The following UST variants were observed in gnomAD, a reference collection of about 807,000 sequenced individuals.
The protein encoded by UST is chondroitin sulfate 2-O-sulfotransferase.
A neutral mutation model predicts 45.6 loss-of-function variants in UST; 21 were observed. The observed-to-expected ratio is 0.46, with a 90% CI of 0.33 to 0.66. The LOEUF is 0.66. Ranked by LOEUF, UST falls within the 30% of genes least tolerant of loss-of-function variation. The pLI, the probability that UST is intolerant of heterozygous loss-of-function variation, is 0.02. For synonymous variants in UST, 215 were observed against 200.6 expected (o/e 1.07, Z -0.61); for missense variants, 463 against 512.4 (o/e 0.90, Z 0.93).
intron 1 of UST, among the ~76,000 whole-genome samples, chr6:148,886,739 G>A (rs563639649): frequency 6.6e-6 from 1 of 152,242 alleles, no homozygotes; most frequent in East Asian, 1.9e-4. Flanking sequence ...GTTACTGTGT[G>A]TGTTATGTAT....
At position 148,913,731 on chromosome 6, in the gene UST, C is replaced by T. The variant is rs147004879; in HGVS notation, c.291+26702C>T. ...GTAGAGAATAATCTGCCATATTAGACGAAAGTCATTTTATCAAACCAAGGA... is the reference window on the plus strand; with the variant it reads ...GTAGAGAATAATCTGCCATATTAGATGAAAGTCATTTTATCAAACCAAGGA... On this transcript the variant is annotated intron_variant, in intron 2 of 7. Transcript: ENST00000367463. Among the ~76,000 whole-genome samples the T allele has an allele frequency of 8.8e-3, 1,340 of 151,914 alleles. 25 individuals carry two copies. Among genetic ancestry groups the T allele is most frequent in the African/African-American group, 0.03 (1,255 of 41,440 alleles).
rs565343448 is a variant in UST, at chr6:148,929,569, A to G, written c.292-11710A>G. Among the ~76,000 whole-genome samples the G allele has an allele frequency of 4.4e-4, 67 of 152,354 alleles. No homozygotes were observed. The South Asian group carries it at 0.013, about 30-fold the overall frequency. On this transcript the variant is annotated intron_variant, in intron 2 of 7. Coordinates refer to ENST00000367463, the MANE Select transcript of UST (RefSeq NM_005715.3). ...CAGGATGGAAGAGCGAGATGGAACA[A>G]AAGTATGGAATGAGGCCTAAAACCT...
intron 7 of UST, among the ~76,000 whole-genome samples, chr6:149,060,651 C>T (rs761496099): frequency 3.3e-5 from 5 of 152,190 alleles, no homozygotes; most frequent in Non-Finnish European, 7.3e-5. Flanking sequence ...AGTACACCGA[C>T]GGTACTTCCT....
chr6:148,770,866 A>G (rs555399518), intron 1 of UST, among the ~76,000 whole-genome samples: 28 of 152,302 alleles, frequency 1.8e-4, no homozygotes, highest in African/African-American at 6.0e-4. Context: ...CTCATGCCAC[A>G]GGGAAGCATA....
chr6:148,769,099 A>C (rs1776371831), intron 1 of UST, among the ~76,000 whole-genome samples: 1 of 152,232 alleles, frequency 6.6e-6, no homozygotes, highest in African/African-American at 2.4e-5. Flanking sequence ...GTCTTGAGCA[A>C]AAAACACAAC....
At chr6:148,810,117 T>C (rs999656530) in intron 1 of UST, among the ~76,000 whole-genome samples, 4 of 152,194 alleles carry the variant, frequency 2.6e-5, no homozygotes, top group African/African-American at 9.7e-5. Context: ...TAAAACCCAG[T>C]AGCCAGAAGC....
intron 2 of UST, among the ~76,000 whole-genome samples, chr6:148,917,922 C>A (rs1427344152): frequency 6.6e-6 from 1 of 152,196 alleles, no homozygotes; most frequent in Non-Finnish European, 1.5e-5. Context: ...AGCAGCATTT[C>A]TTGATCTTTC....
chr6:148,949,023 G>A (rs1024343794), intron 3 of UST, among the ~76,000 whole-genome samples: 2 of 152,124 alleles, frequency 1.3e-5, no homozygotes, highest in African/African-American at 4.8e-5. Flanking sequence ...GGGCACGGTG[G>A]CTCACACCTG....
chr6:148,965,254 C>T (rs1018424183), intron 5 of UST, among the ~76,000 whole-genome samples: 2 of 151,916 alleles, frequency 1.3e-5, no homozygotes, highest in Non-Finnish European at 2.9e-5. Flanking sequence ...GGCGGAGTTG[C>T]GCGTCTTTCT....
intron 2 of UST, among the ~76,000 whole-genome samples, chr6:148,911,916 G>C (rs1017295508): frequency 2.6e-5 from 4 of 152,154 alleles, no homozygotes; most frequent in African/African-American, 9.7e-5. Flanking sequence ...ATAGATTCAG[G>C]CCGGCCATAG....
chr6:149,067,678 T>A (rs909556164), intron 7 of UST, among the ~76,000 whole-genome samples: 2 of 152,154 alleles, frequency 1.3e-5, no homozygotes, highest in African/African-American at 4.8e-5. Context: ...CAAATATCAA[T>A]CTTATTAAAG....
chr6:149,009,482 G>T (rs895159962), intron 5 of UST, among the ~76,000 whole-genome samples: 1 of 151,726 alleles, frequency 6.6e-6, no homozygotes, highest in Non-Finnish European at 1.5e-5. Context: ...CACAATGCTA[G>T]GTCTACCATG....
chr6:148,912,201 C>T (rs1779489403), intron 2 of UST, among the ~76,000 whole-genome samples: 1 of 151,508 alleles, frequency 6.6e-6, no homozygotes, highest in Non-Finnish European at 1.5e-5. Context: ...TATTTCAAAA[C>T]ATAAAATAAA....
chr6:148,804,022 C>G (rs1012243092), intron 1 of UST, among the ~76,000 whole-genome samples: 8 of 152,322 alleles, frequency 5.3e-5, no homozygotes, highest in Non-Finnish European at 8.8e-5. Flanking sequence ...TCCACTGTAT[C>G]CTCAAGGCCT....
At chr6:148,994,507 G>A in intron 5 of UST, among the ~76,000 whole-genome samples, 1 of 152,214 alleles carries the variant, frequency 6.6e-6, no homozygotes, top group African/African-American at 2.4e-5. Context: ...TTTTTTGGGG[G>A]ACTAATATTG....
chr6:149,017,326 G>C (rs1202431093), intron 5 of UST, among the ~76,000 whole-genome samples: 2 of 151,362 alleles, frequency 1.3e-5, no homozygotes, highest in African/African-American at 4.9e-5. Context: ...CCAGTGAGCC[G>C]AGATCACGCC....
intron 5 of UST, among the ~76,000 whole-genome samples, chr6:148,965,876 C>CTTTTTTT (rs56202168): frequency 4.8e-5 from 6 of 126,238 alleles, no homozygotes; most frequent in Admixed American, 2.4e-4. Context: ...TGGCTTTTCC[C>CTTTTTTT]TTTTTTTTTT....
At chr6:148,943,848 A>C (rs1209763901) in intron 3 of UST, among the ~76,000 whole-genome samples, 1 of 152,224 alleles carries the variant, frequency 6.6e-6, no homozygotes, top group Non-Finnish European at 1.5e-5. Flanking sequence ...GGTAAAGATA[A>C]GGTAGAAAAA....
At chr6:149,057,847 TACTACAGTAATA>T (rs1776589704) in intron 7 of UST, among the ~76,000 whole-genome samples, 1 of 152,248 alleles carries the variant, frequency 6.6e-6, no homozygotes, top group Non-Finnish European at 1.5e-5. Context: ...GGAAATGTAC[TACTACAGTAATA>T]ACTGTGGCTT....
Sources: gnomAD v4.1 joint callset for allele counts (sites outside exome capture counted in the v4.1 genomes callset) on GRCh38, gnomAD v4.1.1 for gene constraint, MANE v1.5 for transcripts, NCBI Gene and HGNC (gene_info 2026-07-23, HGNC 2026-07-21) for gene names.